The following SCN11A variants were observed in gnomAD, a reference collection of about 807,000 sequenced individuals.
The protein encoded by SCN11A is sodium channel protein type 11 subunit alpha.
A neutral mutation model predicts 162.2 loss-of-function variants in SCN11A; 122 were observed. The observed-to-expected ratio is 0.75, with a 90% CI of 0.65 to 0.87. The LOEUF (loss-of-function observed/expected upper bound fraction) is 0.87. Ranked by LOEUF, SCN11A falls within the 40% of genes least tolerant of loss-of-function variation. The pLI is 0.00. For synonymous variants in SCN11A, 758 were observed against 751.5 expected (o/e 1.01, Z -0.14); for missense variants, 2,015 against 2,181.6 (o/e 0.92, Z 1.52).
intron 2 of SCN11A, among the ~76,000 whole-genome samples, chr3:38,996,905 C>A (rs1476408930): frequency 6.6e-6 from 1 of 152,184 alleles, no homozygotes; most frequent in African/African-American, 2.4e-5. Flanking sequence ...GATCATGCCA[C>A]TGTACAGGAT....
Position 38,951,215 on chromosome 3 carries a change from G to A in SCN11A, c.-7-846C>T, listed in dbSNP as rs895154420. 3.9e-5 allele frequency among the ~76,000 whole-genome samples: 6 copies of A among 152,334 alleles called. No individual in the cohort carries two copies. In the East Asian group the frequency reaches 1.2e-3, roughly 29 times the overall value. On this transcript the variant is annotated intron_variant, in intron 4 of 29. Coordinates refer to ENST00000302328, the MANE Select transcript of SCN11A (RefSeq NM_001349253.2). ...TTGCGGGCCAGCTGGAGTTCCGGGT[G>A]GGCGTGGGCTTGGCGGGCGCCGCAC...
rs907873605 is a variant in SCN11A, at chr3:38,999,641, G to C, written c.-280+32739C>G. ...TATCTTAGTGAAATCCTTCATGTTT[G>C]TGAGATTGGCAGTTTCACCTTGCAA... On this transcript the variant is annotated intron_variant, in intron 2 of 29. Coordinates refer to ENST00000302328, the MANE Select transcript of SCN11A (RefSeq NM_001349253.2). Among the ~76,000 whole-genome samples the C allele has an allele frequency of 4.6e-5, 7 of 152,100 alleles. 1 individual carries two copies. Among genetic ancestry groups the C allele is most frequent in the Admixed American group, 4.6e-4 (7 of 15,274 alleles).
At chr3:38,932,968 AC>A (rs1168237758) in intron 7 of SCN11A, among the ~76,000 whole-genome samples, 2 of 151,976 alleles carry the variant, frequency 1.3e-5, no homozygotes, top group Non-Finnish European at 2.9e-5. Flanking sequence ...ACTGGGAGGC[AC>A]CCCCCAGTAG....
chr3:38,997,515 A>G (rs917197038), intron 2 of SCN11A, among the ~76,000 whole-genome samples: 5 of 152,190 alleles, frequency 3.3e-5, no homozygotes, highest in African/African-American at 1.2e-4. Context: ...TTTCGTTTCC[A>G]TAGTACTTAC....
chr3:38,867,185 A>G, intron 27 of SCN11A, 136 bp downstream of exon 27: 1 of 754,884 alleles, frequency 1.3e-6, no homozygotes, highest in Non-Finnish European at 2.1e-6. Context: ...CCAGGCAGAC[A>G]TGGGAGGCTC....
chr3:38,909,963 TG>T, intron 12 of SCN11A, 102 bp downstream of exon 12: 2 of 1,067,556 alleles, frequency 1.9e-6, no homozygotes, highest in Non-Finnish European at 1.3e-6. Flanking sequence ...GGGGGATGAA[TG>T]GTAGTTATAA....
intron 2 of SCN11A, among the ~76,000 whole-genome samples, chr3:38,990,266 G>A (rs1293649426): frequency 3.3e-5 from 5 of 152,128 alleles, no homozygotes; most frequent in Admixed American, 1.3e-4. Context: ...AAACTGCTGG[G>A]CCCCGGGCTC....
At chr3:39,026,087 T>C (rs190963333) in intron 2 of SCN11A, 48 of 152,190 alleles carry the variant, frequency 3.2e-4, no homozygotes, top group African/African-American at 1.0e-3. Context: ...AAGTGTTCCA[T>C]ATTTTTATTA....
chr3:38,895,995 A>G (rs1005292630), intron 18 of SCN11A, among the ~76,000 whole-genome samples: 3 of 152,228 alleles, frequency 2.0e-5, no homozygotes, highest in Non-Finnish European at 4.4e-5. Flanking sequence ...AAGGCAATGA[A>G]GTGCACTTAA....
intron 23 of SCN11A, among the ~76,000 whole-genome samples, chr3:38,876,293 T>G (rs1226639411): frequency 1.3e-5 from 2 of 152,058 alleles, no homozygotes; most frequent in African/African-American, 2.4e-5. Context: ...TTCTAGACAT[T>G]GGCTTAGGCA....
intron 1 of SCN11A, among the ~76,000 whole-genome samples, chr3:39,047,340 T>C (rs999195436): frequency 4.6e-5 from 7 of 151,816 alleles, no homozygotes; most frequent in Admixed American, 3.9e-4. Flanking sequence ...GGAAAGAAAC[T>C]AGACTCCCTA....
intron 29 of SCN11A, among the ~76,000 whole-genome samples, chr3:38,848,262 T>A (rs1274521112): frequency 1.3e-5 from 2 of 152,254 alleles, no homozygotes; most frequent in East Asian, 3.8e-4. Context: ...TCGCCCTGCC[T>A]GCTCTGCAGG....
intron 1 of SCN11A, among the ~76,000 whole-genome samples, chr3:39,042,973 A>G (rs1482096440): frequency 1.4e-4 from 20 of 141,316 alleles, no homozygotes; most frequent in Middle Eastern, 3.9e-3. Context: ...AAAAAAAAAA[A>G]AAAAAAGAAA....
At position 38,909,161 on chromosome 3, in the gene SCN11A, A is replaced by T; in HGVS notation, c.1135T>A (p.Phe379Ile). 1 of 1,614,160 alleles carries T rather than the reference A, an allele frequency of 6.2e-7. No individual in the cohort carries two copies. The highest frequency in any genetic ancestry group is 1.3e-5 in the African/African-American group (1 of 75,054). The change falls in exon 13 of 30, where the codon TTC becomes ATC. Residue 379 changes from phenylalanine to isoleucine, a missense_variant. Coordinates refer to ENST00000302328, the MANE Select transcript of SCN11A (RefSeq NM_001349253.2). ...LRTTGLYSVFFFIVVIFLGSF... is the reference protein window; with the variant it reads ...LRTTGLYSVFIFIVVIFLGSF... ...CCCAGGAAAATGACCACAATGAAGA[A>T]GAAGACTGAGTAGAGCCCAGTAGTA...
At chr3:38,971,174 A>T (rs1449507836) in intron 2 of SCN11A, among the ~76,000 whole-genome samples, 1 of 151,644 alleles carries the variant, frequency 6.6e-6, no homozygotes, top group Non-Finnish European at 1.5e-5. Context: ...TTTTTTTAAC[A>T]GACAAGGTCT....
chr3:38,900,228 T>C (rs1158897716), intron 16 of SCN11A, among the ~76,000 whole-genome samples, 155 bp from the exon 17 acceptor site: 3 of 152,176 alleles, frequency 2.0e-5, no homozygotes, highest in African/African-American at 2.4e-5. Context: ...ATATTTACTA[T>C]TGTAGCATGA....
chr3:38,926,990 A>T lies in SCN11A; in HGVS notation c.489-59T>A, dbSNP rs1159749078. On this transcript the variant is annotated intron_variant, in intron 7 of 29. Coordinates refer to ENST00000302328, the MANE Select transcript of SCN11A (RefSeq NM_001349253.2). ...ATGATAAACAATGTGAAAAGCAAAG[A>T]GCCCTTCTATCTTACTGGCCTTGAT... The T allele has an allele frequency of 4.2e-5, 64 of 1,526,222 alleles. No homozygotes were observed. The South Asian group carries it at 7.9e-4, about 19-fold the overall frequency. 94.5% of individuals were successfully genotyped at this position (1,526,222 alleles called of 1,614,324 possible). A position where few individuals can be genotyped will look rare whatever the true frequency, so the allele number is the denominator to read the frequency against.
chr3:39,015,439 G>GA (rs1158159964), intron 2 of SCN11A, among the ~76,000 whole-genome samples: 1 of 152,056 alleles, frequency 6.6e-6, no homozygotes, highest in East Asian at 1.9e-4. Context: ...CAGAACGACT[G>GA]AAAAAAGAGA....
intron 3 of SCN11A, among the ~76,000 whole-genome samples, chr3:38,954,122 G>A (rs150712705): frequency 6.2e-4 from 94 of 152,346 alleles, no homozygotes; most frequent in Middle Eastern, 3.4e-3. Context: ...ATGTAGGACT[G>A]TAGATTCATC....
Sources: gnomAD v4.1 joint callset for allele counts (sites outside exome capture counted in the v4.1 genomes callset) on GRCh38, gnomAD v4.1.1 for gene constraint, MANE v1.5 for transcripts, NCBI Gene and HGNC (gene_info 2026-07-23, HGNC 2026-07-21) for gene names.